Variants in DNAH6 observed in about 807,000 individuals in gnomAD.
The protein encoded by DNAH6 is dynein axonemal heavy chain 6, also known as axonemal beta dynein heavy chain 6.
Under a neutral mutation model 491.4 loss-of-function variants are expected in DNAH6, and 340 were observed. The ratio of observed to expected loss-of-function variants is 0.69; its 90% CI spans 0.63 to 0.76. The LOEUF is 0.76. Among genes scored for constraint, DNAH6 ranks in the 30% least tolerant of loss-of-function variants. DNAH6 has a pLI of 0.00. For missense variants in DNAH6, 4,443 were observed against 4,972.2 expected (o/e 0.89, Z 3.20); for synonymous variants, 1,603 against 1,686.1 (o/e 0.95, Z 1.21).
the DNAH6 span, among the ~76,000 whole-genome samples, chr2:84,502,889 C>T: frequency 6.6e-6 from 1 of 151,980 alleles, no homozygotes; most frequent in Non-Finnish European, 1.5e-5. Flanking sequence ...TGTGTCTTTA[C>T]AGGGAATATG....
chr2:84,479,440 G>A, the DNAH6 span, among the ~76,000 whole-genome samples: 9 of 152,186 alleles, frequency 5.9e-5, no homozygotes, highest in Non-Finnish European at 1.2e-4. Flanking sequence ...GGGCAATGCT[G>A]TCTCAGAGGG....
At chr2:84,463,359 G>A in the DNAH6 span, among the ~76,000 whole-genome samples, 1 of 152,194 alleles carries the variant, frequency 6.6e-6, no homozygotes, top group Non-Finnish European at 1.5e-5. Context: ...TAAGTTTGAA[G>A]TTTTTAATTG....
At chr2:84,471,047 A>G in the DNAH6 span, among the ~76,000 whole-genome samples, 2 of 152,184 alleles carry the variant, frequency 1.3e-5, no homozygotes, top group East Asian at 1.9e-4. Context: ...TGGGCATACA[A>G]TTGATCTAGG....
intron 62 of DNAH6, among the ~76,000 whole-genome samples, chr2:84,739,867 A>T (rs187565202): frequency 1.5e-4 from 23 of 152,154 alleles, no homozygotes; most frequent in African/African-American, 5.5e-4. Flanking sequence ...TCTGAATTCT[A>T]TATCTGTCAT....
intron 11 of DNAH6, among the ~76,000 whole-genome samples, chr2:84,566,224 C>T (rs1471811945): frequency 6.6e-6 from 1 of 151,952 alleles, no homozygotes; most frequent in Non-Finnish European, 1.5e-5. Context: ...AAGAAATACT[C>T]CACAAAAAGC....
chr2:84,785,184 G>A (rs1265196150), intron 66 of DNAH6, among the ~76,000 whole-genome samples: 1 of 152,186 alleles, frequency 6.6e-6, no homozygotes, highest in Admixed American at 6.5e-5. Context: ...TTTATGATCT[G>A]TGGCAAGCCT....
intron 4 of DNAH6, among the ~76,000 whole-genome samples, chr2:84,536,037 G>A (rs1350177008): frequency 6.6e-6 from 1 of 151,964 alleles, no homozygotes; most frequent in African/African-American, 2.4e-5. Flanking sequence ...TATGTAAATG[G>A]TTTCCTAAAA....
At chr2:84,635,227 G>A (rs945644982) in intron 30 of DNAH6, among the ~76,000 whole-genome samples, 2 of 152,142 alleles carry the variant, frequency 1.3e-5, no homozygotes, top group South Asian at 2.1e-4. Context: ...GCAAAAAAGC[G>A]AATTACAGAA....
At chr2:84,712,703 T>G (rs1317378783) in intron 56 of DNAH6, among the ~76,000 whole-genome samples, 2 of 152,232 alleles carry the variant, frequency 1.3e-5, no homozygotes, top group African/African-American at 4.8e-5. Flanking sequence ...GGGCCAGATT[T>G]GGCCTATAGG....
the DNAH6 span, among the ~76,000 whole-genome samples, chr2:84,482,691 T>C: frequency 0.23 from 34,370 of 152,242 alleles, 4,580 homozygotes; most frequent in Non-Finnish European, 0.3. Context: ...GCAGACGTGG[T>C]TGTGACTTAT....
Position 84,819,331 on chromosome 2 carries a change from G to A in DNAH6, c.12400G>A (p.Val4134Ile), listed in dbSNP as rs373670688. 73 of 1,550,062 alleles carry A rather than the reference G, an allele frequency of 4.7e-5. No homozygotes were observed. The highest frequency in any genetic ancestry group is 3.4e-4 in the East Asian group (14 of 40,854). The change falls in exon 77 of 77, where the codon GTC (valine) becomes ATC (isoleucine). Residue 4134 changes from valine (V) to isoleucine (I), a missense_variant. By Grantham distance (29) the Val-to-Ile change is conservative. Around this residue, in one of 3 missense-constraint regions of DNAH6, gnomAD observed 1,463 missense variants for 1,656.6 expected, o/e 0.88. Transcript: ENST00000389394. The stretch of plus-strand genomic sequence containing the variant: ...ACATTCAACCAATTTTGTGGTAACC[G>A]TCCTGTTACCCTCCAAGCGGTCCAA... ...TGHSTNFVVTVLLPSKRSKDY... is the reference protein window; with the variant it reads ...TGHSTNFVVTILLPSKRSKDY...
intron 2 of DNAH6, among the ~76,000 whole-genome samples, chr2:84,520,635 G>A (rs1676046832): frequency 6.6e-6 from 1 of 151,778 alleles, no homozygotes; most frequent in African/African-American, 2.4e-5. Flanking sequence ...TTCATGTGTT[G>A]TCATCATTTG....
the DNAH6 span, among the ~76,000 whole-genome samples, chr2:84,488,376 T>TA: frequency 6.2e-5 from 8 of 129,816 alleles, no homozygotes; most frequent in East Asian, 8.5e-4. Context: ...TAAAGTATAA[T>TA]AAAAAAAATT....
chr2:84,747,370 C>T (rs982367364), intron 63 of DNAH6, among the ~76,000 whole-genome samples: 1 of 152,134 alleles, frequency 6.6e-6, no homozygotes, highest in South Asian at 2.1e-4. Context: ...GAGAAATCAG[C>T]CAAAAGGAAA....
At chr2:84,705,174 A>C (rs949865052) in intron 51 of DNAH6, among the ~76,000 whole-genome samples, 3 of 152,166 alleles carry the variant, frequency 2.0e-5, no homozygotes, top group African/African-American at 7.2e-5. Flanking sequence ...ATGATAAAGG[A>C]GGTAAAATGT....
chr2:84,506,458 CT>C, the DNAH6 span, among the ~76,000 whole-genome samples: 1 of 152,042 alleles, frequency 6.6e-6, no homozygotes, highest in African/African-American at 2.4e-5. Flanking sequence ...ATTGTAGATT[CT>C]GTATATTAGC....
chr2:84,519,623 TC>T (rs1288934875), intron 2 of DNAH6, among the ~76,000 whole-genome samples: 1 of 146,150 alleles, frequency 6.8e-6, no homozygotes, highest in East Asian at 2.2e-4. Flanking sequence ...ATTCTCCTCT[TC>T]CCCCCTTCTT....
the DNAH6 span, among the ~76,000 whole-genome samples, chr2:84,495,820 C>CT: frequency 6.6e-6 from 1 of 152,214 alleles, no homozygotes; most frequent in Admixed American, 6.5e-5. Context: ...GAGTGCCCCA[C>CT]TTGCAGACTA....
rs552763431 is a variant in DNAH6, at chr2:84,697,877, G to A, written c.7677+150G>A. The A allele has an allele frequency of 2.6e-5, 22 of 841,340 alleles. No individual in the cohort carries two copies. The East Asian group carries it at 3.5e-4, about 13-fold the overall frequency. The allele number at this position is 841,340 out of a possible 1,614,324, so 52.1% of individuals were successfully genotyped here. ...TTTGTATTCGATGTATTTTATTTTCGGTGTTTAAAGCATTGGGTCACCAGA... is the reference window on the plus strand; with the variant it reads ...TTTGTATTCGATGTATTTTATTTTCAGTGTTTAAAGCATTGGGTCACCAGA... On this transcript the variant is annotated intron_variant, in intron 47 of 76. Coordinates refer to ENST00000389394, the MANE Select transcript of DNAH6 (RefSeq NM_001370.2).
Sources: allele counts gnomAD v4.1 joint callset (sites outside exome capture counted in the v4.1 genomes callset), GRCh38; gene constraint gnomAD v4.1.1; regional missense constraint gnomAD v4.1.1; transcripts MANE v1.5; gene names NCBI Gene and HGNC (gene_info 2026-07-23, HGNC 2026-07-21).